Variants in FUT9 observed in about 807,000 individuals in gnomAD.
FUT9 encodes the protein 4-galactosyl-N-acetylglucosaminide 3-alpha-L-fucosyltransferase 9.
In FUT9, 15 loss-of-function variants were observed where a neutral mutation model predicts 29.7. That is an observed-to-expected ratio of 0.51 (90% CI 0.34 to 0.78). The LOEUF (loss-of-function observed/expected upper bound fraction) is 0.78, where lower values mean the gene tolerates loss of function less well. Among genes scored for constraint, FUT9 ranks in the 30% least tolerant of loss-of-function variants. The probability of loss-of-function intolerance (pLI) is 0.01; values close to 1 mark genes in which losing one functional copy is unlikely to be tolerated. For synonymous variants in FUT9, 169 were observed against 153.7 expected, an observed-to-expected ratio of 1.10 and a Z score of -0.74; for missense variants, 319 against 425.4, an observed-to-expected ratio of 0.75 and a Z score of 2.20.
chr6:96,104,764 TC>T (rs1334574720), intron 1 of FUT9, among the ~76,000 whole-genome samples: 1 of 151,646 alleles, frequency 6.6e-6, no homozygotes, highest in Non-Finnish European at 1.5e-5. Flanking sequence ...ATTCCTGACC[TC>T]GTGATCTACC....
chr6:96,146,686 C>T (rs1382104511), intron 2 of FUT9, among the ~76,000 whole-genome samples: 3 of 152,258 alleles, frequency 2.0e-5, no homozygotes, highest in African/African-American at 7.2e-5. Flanking sequence ...AGTTTATGTA[C>T]CTTCTCATTC....
At chr6:96,083,842 A>T (rs1771276485) in intron 1 of FUT9, among the ~76,000 whole-genome samples, 1 of 152,092 alleles carries the variant, frequency 6.6e-6, no homozygotes, top group African/African-American at 2.4e-5. Flanking sequence ...TAATCTAAGC[A>T]TCTGTTTATT....
chr6:96,033,907 CAAAT>C (rs990769918), intron 1 of FUT9, among the ~76,000 whole-genome samples: 1 of 151,268 alleles, frequency 6.6e-6, no homozygotes, highest in African/African-American at 2.4e-5. Context: ...AATATATACA[CAAAT>C]ACACACACAC....
chr6:96,033,485 A>C (rs1178345307), intron 1 of FUT9, among the ~76,000 whole-genome samples: 1 of 151,660 alleles, frequency 6.6e-6, no homozygotes, highest in Non-Finnish European at 1.5e-5. Flanking sequence ...CTCCACATTC[A>C]ATTGAAACAG....
At position 96,150,972 on chromosome 6, in the gene FUT9, T is replaced by C. The variant is rs191192819; in HGVS notation, c.-9+36845T>C. ...TGAGATTTGAGCTGTATCACTGATA[T>C]AAGCTTTCTAATTATCTTTATCAAC... On this transcript the variant is annotated intron_variant, in intron 2 of 2. Transcript: ENST00000302103. 7.6e-4 allele frequency among the ~76,000 whole-genome samples: 116 copies of C among 152,334 alleles called. 5 individuals are homozygous for C. In the East Asian group the frequency reaches 0.016, roughly 21 times the overall value.
intron 2 of FUT9, among the ~76,000 whole-genome samples, chr6:96,182,313 G>A (rs762852798): frequency 6.6e-6 from 1 of 151,972 alleles, no homozygotes; most frequent in African/African-American, 2.4e-5. Context: ...CTTAGATTCT[G>A]TATATTTGTC....
chr6:96,068,124 T>A (rs1344175103), intron 1 of FUT9, among the ~76,000 whole-genome samples: 1 of 152,076 alleles, frequency 6.6e-6, no homozygotes, highest in African/African-American at 2.4e-5. Flanking sequence ...ATTTTAGTCA[T>A]CCAGATAGAA....
At chr6:96,178,199 C>A (rs916396233) in intron 2 of FUT9, among the ~76,000 whole-genome samples, 14 of 152,142 alleles carry the variant, frequency 9.2e-5, no homozygotes, top group African/African-American at 3.4e-4. Context: ...TGGGTCAATT[C>A]AATATCCAGG....
intron 1 of FUT9, among the ~76,000 whole-genome samples, chr6:96,102,744 A>G (rs570603327): frequency 6.6e-6 from 1 of 152,270 alleles, no homozygotes; most frequent in African/African-American, 2.4e-5. Context: ...CTCCAGATGT[A>G]GTTGAGTTTG....
At chr6:96,144,528 T>G (rs917450110) in intron 2 of FUT9, among the ~76,000 whole-genome samples, 4 of 152,202 alleles carry the variant, frequency 2.6e-5, no homozygotes, top group African/African-American at 9.6e-5. Flanking sequence ...GCATCTTCAT[T>G]TTATGCTAAA....
At chr6:96,099,831 A>T (rs1463977540) in intron 1 of FUT9, among the ~76,000 whole-genome samples, 1 of 152,158 alleles carries the variant, frequency 6.6e-6, no homozygotes, top group Non-Finnish European at 1.5e-5. Flanking sequence ...TTTCTACCAC[A>T]GACTGAAAAA....
intron 1 of FUT9, among the ~76,000 whole-genome samples, chr6:96,101,501 A>G (rs554538256): frequency 6.0e-4 from 91 of 152,056 alleles, no homozygotes; most frequent in African/African-American, 2.1e-3. Context: ...GTGAGCTGAG[A>G]TGGCACTACT....
At chr6:96,191,517 C>T (rs187507231) in intron 2 of FUT9, among the ~76,000 whole-genome samples, 7 of 152,202 alleles carry the variant, frequency 4.6e-5, no homozygotes, top group Non-Finnish European at 8.8e-5. Flanking sequence ...TACACCCTCC[C>T]AAGAGTAAAC....
chr6:96,109,748 T>C (rs1771762262), intron 1 of FUT9, among the ~76,000 whole-genome samples: 1 of 152,168 alleles, frequency 6.6e-6, no homozygotes, highest in Non-Finnish European at 1.5e-5. Flanking sequence ...AACAGAACAG[T>C]TGAAGTGATC....
chr6:96,050,822 T>C (rs895466581), intron 1 of FUT9, among the ~76,000 whole-genome samples: 2 of 152,216 alleles, frequency 1.3e-5, no homozygotes, highest in African/African-American at 4.8e-5. Flanking sequence ...TCTTTTTCTT[T>C]TTCTTTTTAC....
At chr6:96,089,582 A>G (rs758683664) in intron 1 of FUT9, among the ~76,000 whole-genome samples, 4 of 152,210 alleles carry the variant, frequency 2.6e-5, no homozygotes, top group Admixed American at 2.0e-4. Context: ...TTGTGACCAA[A>G]AAGTACAACA....
At chr6:96,162,511 C>T (rs1481547387) in intron 2 of FUT9, among the ~76,000 whole-genome samples, 1 of 152,166 alleles carries the variant, frequency 6.6e-6, no homozygotes, top group Admixed American at 6.5e-5. Context: ...TAACCTTACC[C>T]TTTCCAGTCT....
rs116046549 is a variant in FUT9 at position 96,033,225 on chromosome 6, G to A, written c.-98+17013G>A. Among the ~76,000 whole-genome samples the A allele has an allele frequency of 2.4e-3, 359 of 151,746 alleles. 3 individuals are homozygous for A. The highest frequency in any genetic ancestry group is 8.2e-3 in the African/African-American group (341 of 41,470). ...TCAGTAGTTTCATAACCACTGCCAA[G>A]CTTTGTTCTAAGATTTTGAATATAT... On this transcript the variant is annotated intron_variant, in intron 1 of 2. Transcript: ENST00000302103.
chr6:96,185,494 G>C (rs986825304), intron 2 of FUT9, among the ~76,000 whole-genome samples: 3 of 152,110 alleles, frequency 2.0e-5, no homozygotes, highest in African/African-American at 7.2e-5. Flanking sequence ...GGAGCAATGT[G>C]TGGGAAGATG....
Sources: allele counts gnomAD v4.1 joint callset (sites outside exome capture counted in the v4.1 genomes callset), GRCh38; gene constraint gnomAD v4.1.1; transcripts MANE v1.5; gene names NCBI Gene and HGNC (gene_info 2026-07-23, HGNC 2026-07-21).